Variants in SLC44A1 observed in about 807,000 individuals in gnomAD.
The protein encoded by SLC44A1 is solute carrier family 44 member 1.
Under a neutral mutation model 79.3 loss-of-function variants are expected in SLC44A1, and 26 were observed. That is an observed-to-expected ratio of 0.33 (90% CI 0.24 to 0.46). SLC44A1 has a LOEUF of 0.46. SLC44A1 is among the 20% of genes least tolerant of loss of function. The pLI is 1.00. For synonymous variants in SLC44A1, 263 were observed against 286.2 expected, an observed-to-expected ratio of 0.92 and a Z score of 0.82; for missense variants, 688 against 798.1, an observed-to-expected ratio of 0.86 and a Z score of 1.66.
chr9:105,288,252 TAG>T (rs766716476), intron 1 of SLC44A1, among the ~76,000 whole-genome samples: 12 of 151,560 alleles, frequency 7.9e-5, no homozygotes, highest in Non-Finnish European at 1.8e-4. Flanking sequence ...ATCCCAGTTG[TAG>T]ATTTATTTTC....
chr9:105,358,506 G>T, intron 7 of SLC44A1, 73 bp downstream of exon 7: 1 of 825,876 alleles, frequency 1.2e-6, no homozygotes. Context: ...ATATAAAGAA[G>T]AAAATAAATT....
intron 15 of SLC44A1, among the ~76,000 whole-genome samples, chr9:105,412,004 T>C (rs549935082): frequency 4.0e-4 from 61 of 152,364 alleles, no homozygotes; most frequent in African/African-American, 1.4e-3. Context: ...TTTCACATTA[T>C]CTATTCACAT....
At chr9:105,365,889 C>G (rs148234731) in intron 11 of SLC44A1, among the ~76,000 whole-genome samples, 136 of 152,280 alleles carry the variant, frequency 8.9e-4, no homozygotes, top group Middle Eastern at 3.4e-3. Flanking sequence ...ATACCTTCCT[C>G]CTTAGAACTT....
chr9:105,266,001 A>C (rs1006768425), intron 1 of SLC44A1, among the ~76,000 whole-genome samples: 1 of 152,128 alleles, frequency 6.6e-6, no homozygotes, highest in African/African-American at 2.4e-5. Context: ...TCTGTCACCC[A>C]GGCTGGAGTG....
intron 1 of SLC44A1, among the ~76,000 whole-genome samples, chr9:105,288,916 G>T (rs887133773): frequency 6.6e-6 from 1 of 152,144 alleles, no homozygotes; most frequent in African/African-American, 2.4e-5. Flanking sequence ...TACAATAAAG[G>T]CTCAAAGAAA....
rs894985975 is a variant in SLC44A1 at position 105,392,143 on chromosome 9, T to C, written c.*3087T>C. 8.9e-5 allele frequency: 88 copies of C among 985,312 alleles called. No individual in the cohort carries two copies. Among genetic ancestry groups the C allele is most frequent in the Non-Finnish European group, 1.0e-4 (84 of 829,896 alleles). 61.0% of individuals were successfully genotyped at this position (985,312 alleles called of 1,614,324 possible). On this transcript the variant is annotated 3_prime_UTR_variant, in exon 16 of 16. Transcript: ENST00000374720. ...ATTTAGCTAGAGCACTGAGATTGTA[T>C]AATCCTTGCATGGATGAGCAGAGCT...
In SLC44A1 at chr9:105,302,604, G is replaced by A. The variant is rs138155583; in HGVS notation, c.126+3295G>A. Among the ~76,000 whole-genome samples the A allele has an allele frequency of 3.4e-4, 52 of 151,428 alleles. 1 individual carries two copies. The highest frequency in any genetic ancestry group is 1.0e-3 in the African/African-American group (43 of 41,202). On this transcript the variant is annotated intron_variant, in intron 2 of 15. Coordinates refer to ENST00000374720, the MANE Select transcript of SLC44A1 (RefSeq NM_080546.5). ...TGACCTCAAGTGATCTGCATGCCTC[G>A]GCCTCCCAAAGTGCTGGAATTACCG...
chr9:105,286,435 G>A (rs1364044161), intron 1 of SLC44A1, among the ~76,000 whole-genome samples: 1 of 152,128 alleles, frequency 6.6e-6, no homozygotes, highest in Non-Finnish European at 1.5e-5. Context: ...GAATAAATGA[G>A]TTAATACAGG....
chr9:105,379,054 C>T (rs117116208), intron 13 of SLC44A1, among the ~76,000 whole-genome samples: 11,608 of 152,258 alleles, frequency 0.076, 537 homozygotes, highest in African/African-American at 0.12. Flanking sequence ...GAGGGTGGAT[C>T]GCTTGAGCCC....
intron 13 of SLC44A1, among the ~76,000 whole-genome samples, chr9:105,379,427 A>G (rs548056249): frequency 1.3e-5 from 2 of 152,298 alleles, no homozygotes; most frequent in East Asian, 1.9e-4. Flanking sequence ...ATCAATGTCA[A>G]TATCATGGTT....
chr9:105,345,594 A>C (rs927779974), intron 4 of SLC44A1, among the ~76,000 whole-genome samples: 2 of 152,036 alleles, frequency 1.3e-5, no homozygotes, highest in East Asian at 3.8e-4. Context: ...TTCATCTGTA[A>C]TGTTTGGAGT....
rs528352260 is a variant in SLC44A1 at position 105,313,760 on chromosome 9, T to C, written c.269+3894T>C. Among the ~76,000 whole-genome samples, 8 of 151,666 alleles carry C rather than the reference T, an allele frequency of 5.3e-5. No homozygotes were observed. In the East Asian group the frequency reaches 1.5e-3, roughly 29 times the overall value. The stretch of plus-strand genomic sequence containing the variant: ...ATTTTAGATAAAAAATTATTATCAT[T>C]ATTATTATTATTATTGGAGGCAGAG... On this transcript the variant is annotated intron_variant, in intron 3 of 15. Transcript: ENST00000374720.
chr9:105,434,793 T>A (rs890215886), intron 15 of SLC44A1, among the ~76,000 whole-genome samples: 1 of 152,230 alleles, frequency 6.6e-6, no homozygotes, highest in Admixed American at 6.5e-5. Flanking sequence ...TTTATCAGAC[T>A]GTATACTTTA....
intron 1 of SLC44A1, among the ~76,000 whole-genome samples, chr9:105,289,562 C>T (rs1018185282): frequency 2.6e-5 from 4 of 152,156 alleles, no homozygotes; most frequent in Non-Finnish European, 2.9e-5. Flanking sequence ...GTTCACCTTA[C>T]GGGTTCCTCT....
In SLC44A1 at chr9:105,309,832, A is replaced by G; in HGVS notation, c.235A>G (p.Ile79Val). The G allele has an allele frequency of 6.2e-7, 1 of 1,613,972 alleles. No homozygotes were observed. The highest frequency in any genetic ancestry group is 8.5e-7 in the Non-Finnish European group (1 of 1,179,862). The change falls in exon 3 of 16, where the codon ATA (isoleucine) becomes GTA (valine). Residue 79 changes from isoleucine to valine, a missense_variant. Transcript: ENST00000374720. ...GCAGAAAAATACAAAGTTGGAAGCA[A>G]TACCAAACAGTGGCATGGACCACAC... ...CGQKNTKLEAIPNSGMDHTQR... is the reference protein window; with the variant it reads ...CGQKNTKLEAVPNSGMDHTQR...
intron 4 of SLC44A1, among the ~76,000 whole-genome samples, chr9:105,336,984 A>G (rs1826943428): frequency 6.6e-6 from 1 of 152,172 alleles, no homozygotes; most frequent in Non-Finnish European, 1.5e-5. Flanking sequence ...ATTAAATAAG[A>G]TGATGTATGA....
intron 4 of SLC44A1, among the ~76,000 whole-genome samples, chr9:105,347,014 A>G (rs1464782442): frequency 6.6e-6 from 1 of 152,116 alleles, no homozygotes; most frequent in African/African-American, 2.4e-5. Context: ...GCATTGCTAA[A>G]TTAAATGGTG....
At chr9:105,321,527 C>T (rs1302322591) in intron 3 of SLC44A1, among the ~76,000 whole-genome samples, 2 of 151,780 alleles carry the variant, frequency 1.3e-5, no homozygotes, top group Non-Finnish European at 2.9e-5. Context: ...TGCAGCAAAT[C>T]ATAATAAAAG....
intron 1 of SLC44A1, among the ~76,000 whole-genome samples, chr9:105,262,604 T>C (rs1470748824): frequency 6.6e-6 from 1 of 152,222 alleles, no homozygotes; most frequent in Admixed American, 6.5e-5. Context: ...TCTTATGTGT[T>C]TATGACTTAG....
Sources: allele counts gnomAD v4.1 joint callset (sites outside exome capture counted in the v4.1 genomes callset), GRCh38; gene constraint gnomAD v4.1.1; transcripts MANE v1.5; gene names NCBI Gene and HGNC (gene_info 2026-07-23, HGNC 2026-07-21).